Variants in SMCHD1 observed in about 807,000 individuals in gnomAD.
SMCHD1 encodes structural maintenance of chromosomes flexible hinge domain-containing protein 1.
A neutral mutation model predicts 254.7 loss-of-function variants in SMCHD1; 78 were observed. That is an observed-to-expected ratio of 0.31 (90% CI 0.26 to 0.37). The LOEUF (loss-of-function observed/expected upper bound fraction) is 0.37, where lower values mean the gene tolerates loss of function less well. SMCHD1 is among the 10% of genes least tolerant of loss of function. The pLI is 1.00. For synonymous variants in SMCHD1, 766 were observed against 794.9 expected (o/e 0.96, Z 0.61); for missense variants, 1,840 against 2,408.1 (o/e 0.76, Z 4.94).
In SMCHD1 at chr18:2,732,446, GAGAA is replaced by G; in HGVS notation, c.3234_3237del (p.Arg1079LysfsTer4). ...CTTATTTTTCAAATGTATGATGAAG[GAGAA>G]AGAGAAATCAATATAACATCAGCTT... is the stretch of plus-strand genomic sequence containing the variant. On this transcript the variant is annotated frameshift_variant, in exon 25 of 48. Coordinates refer to ENST00000320876, the MANE Select transcript of SMCHD1 (RefSeq NM_015295.3). LOFTEE classifies it high-confidence loss of function. 1 of 1,610,924 alleles carries G rather than the reference GAGAA, an allele frequency of 6.2e-7. No individual in the cohort carries two copies. The highest frequency in any genetic ancestry group is 8.5e-7 in the Non-Finnish European group (1 of 1,178,592).
chr18:2,707,582 G>A lies in SMCHD1; in HGVS notation c.2083G>A (p.Val695Ile). The A allele has an allele frequency of 1.2e-6, 2 of 1,606,856 alleles. No homozygotes were observed. The highest frequency in any genetic ancestry group is 2.2e-5 in the East Asian group (1 of 44,734). ...TAACAGGCTCCCTGATAGATTGTCA[G>A]TAACTTGGCCTGAAGGAGATGAATT... ...EMARLPDRLSVTWPEGDELLP... is the reference protein window; with the variant it reads ...EMARLPDRLSITWPEGDELLP... Residue 695 changes from valine (V) to isoleucine (I), a missense_variant, in exon 16 of 48, where the codon GTA becomes ATA. By Grantham distance (29) the Val-to-Ile change is conservative. Around this residue, in one of 9 missense-constraint regions of SMCHD1, gnomAD observed 498 missense variants for 743.5 expected, o/e 0.67. Coordinates refer to ENST00000320876, the MANE Select transcript of SMCHD1 (RefSeq NM_015295.3).
intron 34 of SMCHD1, among the ~76,000 whole-genome samples, chr18:2,755,742 T>A (rs1013390645): frequency 1.3e-5 from 2 of 151,894 alleles, no homozygotes; most frequent in African/African-American, 4.8e-5. Flanking sequence ...TAATTTTTTG[T>A]ATTTTTAGTA....
At chr18:2,694,068 T>TA (rs2074238281) in intron 7 of SMCHD1, among the ~76,000 whole-genome samples, 3 of 152,208 alleles carry the variant, frequency 2.0e-5, no homozygotes, top group Admixed American at 2.0e-4. Flanking sequence ...ATTTTACTTT[T>TA]AAGCACTATG....
rs10502304 is a variant in SMCHD1, at chr18:2,728,688, T to A, written c.2913+92T>A. ...CTTAATAGTAAGTCTTACACAGGAT[T>A]TAAGTCTGAAACGATTATTCCGTGG... On this transcript the variant is annotated intron_variant, in intron 23 of 47. Coordinates refer to ENST00000320876, the MANE Select transcript of SMCHD1 (RefSeq NM_015295.3). 0.22 allele frequency: 288,745 copies of A among 1,322,634 alleles called. 33,262 individuals carry two copies. Among genetic ancestry groups the A allele is most frequent in the Admixed American group, 0.3 (11,940 of 39,390 alleles). 81.9% of individuals were successfully genotyped at this position (1,322,634 alleles called of 1,614,324 possible). A position where few individuals can be genotyped will look rare whatever the true frequency, so the allele number is the denominator to read the frequency against.
chr18:2,684,885 C>T (rs550230285), intron 5 of SMCHD1, among the ~76,000 whole-genome samples: 5 of 152,016 alleles, frequency 3.3e-5, no homozygotes, highest in East Asian at 3.9e-4. Context: ...AGTATACTTC[C>T]GTTTATGCTA....
Position 2,760,675 on chromosome 18 carries a change from TG to T in SMCHD1, c.4374del (p.Thr1459HisfsTer9). ...YFRDKVIPNKVGTYCIQFGFM... is the reference protein window; with the variant it reads ...YFRDKVIPNKXGTYCIQFGFM... The stretch of plus-strand genomic sequence containing the variant: ...AGGGATAAAGTAATTCCTAATAAAG[TG>T]GGGACATATTGTATCCAGTTTGGTT... On this transcript the variant is annotated frameshift_variant, in exon 35 of 48. Coordinates refer to ENST00000320876, the MANE Select transcript of SMCHD1 (RefSeq NM_015295.3). LOFTEE classifies it high-confidence loss of function. 1 of 1,582,632 alleles carries T rather than the reference TG, an allele frequency of 6.3e-7. No homozygotes were observed.
At chr18:2,740,082 CT>C (rs1255433213) in intron 27 of SMCHD1, among the ~76,000 whole-genome samples, 5 of 151,766 alleles carry the variant, frequency 3.3e-5, no homozygotes, top group Non-Finnish European at 7.4e-5. Context: ...TGTCCCTCCC[CT>C]AGCCCCGACT....
Position 2,673,336 on chromosome 18 carries a change from T to G in SMCHD1, c.480T>G (p.Ile160Met). 1 of 1,582,796 alleles carries G rather than the reference T, an allele frequency of 6.3e-7. No homozygotes were observed. The change falls in exon 4 of 48, where the codon ATT becomes ATG. Residue 160 changes from isoleucine (I) to methionine (M), a missense_variant. Coordinates refer to ENST00000320876, the MANE Select transcript of SMCHD1 (RefSeq NM_015295.3). ...CATTGTCTGCTACTTCTCGTAACAT[T>G]GGGGTTAGAAGAATACAGATCAAAT... The part of the protein sequence containing the change: ...DNSLSATSRN[I>M]GVRRIQIKLL...
intron 1 of SMCHD1, among the ~76,000 whole-genome samples, chr18:2,663,623 T>G (rs1598279479): frequency 6.6e-6 from 1 of 152,188 alleles, no homozygotes; most frequent in East Asian, 1.9e-4. Context: ...TCCCCACCAA[T>G]TTGTAATGTC....
chr18:2,717,495 G>T (rs138484831), intron 17 of SMCHD1, among the ~76,000 whole-genome samples: 51 of 152,232 alleles, frequency 3.4e-4, no homozygotes, highest in African/African-American at 1.2e-3. Context: ...GACCATGCCT[G>T]GCTAATTTTT....
chr18:2,668,761 C>T (rs1022850747), intron 3 of SMCHD1, among the ~76,000 whole-genome samples: 3 of 152,126 alleles, frequency 2.0e-5, no homozygotes, highest in African/African-American at 7.2e-5. Flanking sequence ...CTCTACTGTA[C>T]CCACGCTCTT....
chr18:2,772,464 G>C (rs2076000759), intron 41 of SMCHD1, 92 bp downstream of exon 41: 1 of 1,120,560 alleles, frequency 8.9e-7, no homozygotes, highest in Non-Finnish European at 1.2e-6. Flanking sequence ...AAAGTGTCAG[G>C]TTCTTTGTAA....
chr18:2,673,447 G>T (rs1188044357), intron 4 of SMCHD1, 84 bp downstream of exon 4: 3 of 978,656 alleles, frequency 3.1e-6, no homozygotes, highest in Admixed American at 6.8e-5. Context: ...AGAAAATAGA[G>T]ATAAAACTAA....
At chr18:2,711,456 T>G (rs927128604) in intron 17 of SMCHD1, among the ~76,000 whole-genome samples, 2 of 151,478 alleles carry the variant, frequency 1.3e-5, no homozygotes, top group African/African-American at 4.8e-5. Context: ...CTCACTTGGT[T>G]GTTATGTATA....
chr18:2,801,069 GATAGAA>G (rs2076352932), intron 47 of SMCHD1: 1 of 152,084 alleles, frequency 6.6e-6, no homozygotes, highest in African/African-American at 2.4e-5. Flanking sequence ...TACAAAAAGA[GATAGAA>G]GACATAGAGA....
intron 45 of SMCHD1, among the ~76,000 whole-genome samples, chr18:2,787,050 T>C (rs1417289712): frequency 6.6e-6 from 1 of 152,220 alleles, no homozygotes; most frequent in Admixed American, 6.5e-5. Flanking sequence ...AAAAAGATAC[T>C]TAATTTGGCA....
intron 28 of SMCHD1, among the ~76,000 whole-genome samples, chr18:2,741,864 T>C (rs2143555254): frequency 6.6e-6 from 1 of 152,324 alleles, no homozygotes; most frequent in East Asian, 1.9e-4. Flanking sequence ...CATGCTGGAA[T>C]GTCTCTCATC....
At chr18:2,677,045 T>A (rs752345753) in intron 5 of SMCHD1, among the ~76,000 whole-genome samples, 11 of 152,176 alleles carry the variant, frequency 7.2e-5, no homozygotes, top group Non-Finnish European at 1.5e-4. Context: ...AATATTTCAA[T>A]TTTTCTGTAG....
intron 37 of SMCHD1, among the ~76,000 whole-genome samples, chr18:2,767,244 C>T (rs1459730187): frequency 7.0e-6 from 1 of 142,482 alleles, no homozygotes; most frequent in Non-Finnish European, 1.5e-5. Flanking sequence ...GGTGACAGAG[C>T]AAGACCCTGT....
Sources: gnomAD v4.1 joint callset for allele counts (sites outside exome capture counted in the v4.1 genomes callset) on GRCh38, gnomAD v4.1.1 for gene constraint, gnomAD v4.1.1 regional missense constraint, MANE v1.5 for transcripts, NCBI Gene and HGNC (gene_info 2026-07-23, HGNC 2026-07-21) for gene names.